MAP4K3: variants seen among roughly 807,000 people sequenced by gnomAD.
The protein encoded by MAP4K3 is mitogen-activated protein kinase kinase kinase kinase 3.
A neutral mutation model predicts 143.5 loss-of-function variants in MAP4K3; 94 were observed. The observed-to-expected ratio is 0.65, with a 90% CI of 0.55 to 0.78. The LOEUF (loss-of-function observed/expected upper bound fraction) is 0.78. Among genes scored for constraint, MAP4K3 ranks in the 30% least tolerant of loss-of-function variants. The probability of loss-of-function intolerance (pLI) is 0.00; values close to 1 mark genes in which losing one functional copy is unlikely to be tolerated. For synonymous variants in MAP4K3, 416 were observed against 347.2 expected (o/e 1.20, Z -2.20); for missense variants, 1,077 against 1,068.1 (o/e 1.01, Z -0.12).
chr2:39,288,260 T>C lies in MAP4K3; in HGVS notation c.1335A>G (p.Pro445=). 1 of 1,613,970 alleles carries C rather than the reference T, an allele frequency of 6.2e-7. No homozygotes were observed. Among genetic ancestry groups the C allele is most frequent in the Non-Finnish European group, 8.5e-7 (1 of 1,179,882 alleles). The change falls in exon 20 of 34, where the codon CCA becomes CCG. Residue 445 remains proline, a synonymous_variant. Transcript: ENST00000263881. ...LPPKPKSIFI[P]QEMHSTEDEN... is the part of the protein sequence containing the mutation. ...CATCCTCAGTAGAATGCATTTCCTGTGGTATGAAGATAGACTTAGGCTGAA... is the reference window on the plus strand; with the variant it reads ...CATCCTCAGTAGAATGCATTTCCTGCGGTATGAAGATAGACTTAGGCTGAA...
At chr2:39,335,032 C>T (rs563362514) in intron 6 of MAP4K3, among the ~76,000 whole-genome samples, 1 of 152,104 alleles carries the variant, frequency 6.6e-6, no homozygotes, top group African/African-American at 2.4e-5. Context: ...ATTTGAAGAC[C>T]TGGGGCTAGA....
intron 3 of MAP4K3, among the ~76,000 whole-genome samples, chr2:39,345,895 C>T (rs971680398): frequency 8.2e-6 from 1 of 121,842 alleles, no homozygotes; most frequent in East Asian, 2.4e-4. Flanking sequence ...GCACTCCAGC[C>T]TGAGTGACAG....
intron 1 of MAP4K3, among the ~76,000 whole-genome samples, chr2:39,391,467 G>A (rs1666658359): frequency 6.6e-6 from 1 of 151,380 alleles, no homozygotes; most frequent in South Asian, 2.1e-4. Context: ...AAAGTTCTGT[G>A]GCAAAGAAAA....
intron 1 of MAP4K3, among the ~76,000 whole-genome samples, chr2:39,415,952 CAAAA>C (rs1192060497): frequency 1.1e-3 from 3 of 2,658 alleles, no homozygotes; most frequent in Admixed American, 0.014. Flanking sequence ...GGCTCTGTCT[CAAAA>C]AAAAAAAAAA....
chr2:39,254,604 G>T, intron 31 of MAP4K3, 84 bp from the exon 32 acceptor site: 1 of 937,124 alleles, frequency 1.1e-6, no homozygotes. Context: ...ATCTCATACA[G>T]CAATATTTCA....
chr2:39,326,312 G>A (rs1683488241), intron 8 of MAP4K3, 35 bp from the exon 9 acceptor site: 3 of 1,607,816 alleles, frequency 1.9e-6, no homozygotes, highest in Non-Finnish European at 1.7e-6. Context: ...AAAAACTTCT[G>A]TTATATGTTT....
chr2:39,417,258 C>T (rs1360900269), intron 1 of MAP4K3, among the ~76,000 whole-genome samples: 3 of 145,068 alleles, frequency 2.1e-5, no homozygotes, highest in East Asian at 2.0e-4. Flanking sequence ...CTTGCCCTGT[C>T]GCCCAGGCTG....
chr2:39,282,874 G>A (rs560426741), intron 21 of MAP4K3, among the ~76,000 whole-genome samples: 301 of 152,300 alleles, frequency 2.0e-3, no homozygotes, highest in African/African-American at 6.9e-3. Flanking sequence ...GTTTGTGTGT[G>A]TGTTAGGAAT....
At chr2:39,338,655 C>A (rs910217864) in intron 4 of MAP4K3, among the ~76,000 whole-genome samples, 1 of 152,218 alleles carries the variant, frequency 6.6e-6, no homozygotes, top group Admixed American at 6.5e-5. Context: ...TATGCATCTG[C>A]TAAGTCCCTC....
Position 39,436,970 on chromosome 2 carries a change from A to T in MAP4K3, c.18T>A (p.Asp6Glu). The T allele has an allele frequency of 6.2e-7, 1 of 1,612,050 alleles. No individual in the cohort carries two copies. The highest frequency in any genetic ancestry group is 1.1e-5 in the South Asian group (1 of 91,020). Residue 6 changes from aspartate to glutamate, a missense_variant, in exon 1 of 34, where the codon GAT becomes GAA. Physicochemically the swap from Asp to Glu is conservative, Grantham distance 45. Coordinates refer to ENST00000263881, the MANE Select transcript of MAP4K3 (RefSeq NM_003618.4). Reference protein sequence around the residue: MNPGFDLSRRNPQEDF... With the variant: MNPGFELSRRNPQEDF... ...CCTCCTGCGGGTTCCGGCGGGACAAATCGAAGCCGGGGTTCATGGCGGGCC... is the reference window on the plus strand; with the variant it reads ...CCTCCTGCGGGTTCCGGCGGGACAATTCGAAGCCGGGGTTCATGGCGGGCC...
At chr2:39,296,524 T>C (rs1406805040) in intron 16 of MAP4K3, among the ~76,000 whole-genome samples, 2 of 152,132 alleles carry the variant, frequency 1.3e-5, no homozygotes, top group Admixed American at 1.3e-4. Context: ...GACGAAAAGG[T>C]TAAAAATGAA....
chr2:39,259,571 G>GA (rs1680482819), intron 29 of MAP4K3, among the ~76,000 whole-genome samples: 1 of 152,132 alleles, frequency 6.6e-6, no homozygotes, highest in Non-Finnish European at 1.5e-5. Context: ...TGAGAGTTAT[G>GA]AAAATGTTAA....
At chr2:39,328,069 G>A (rs1006135665) in intron 8 of MAP4K3, among the ~76,000 whole-genome samples, 12 of 152,200 alleles carry the variant, frequency 7.9e-5, no homozygotes, top group Admixed American at 5.9e-4. Flanking sequence ...AGTGGCTCAC[G>A]CCTGTAATCC....
intron 11 of MAP4K3, 47 bp downstream of exon 11, chr2:39,325,683 T>G: frequency 6.4e-7 from 1 of 1,557,170 alleles, no homozygotes; most frequent in Non-Finnish European, 8.8e-7. Context: ...TTGAATAACA[T>G]TTTATCTTTT....
At chr2:39,368,776 G>A (rs1005021456) in intron 2 of MAP4K3, among the ~76,000 whole-genome samples, 4 of 152,138 alleles carry the variant, frequency 2.6e-5, no homozygotes, top group African/African-American at 9.7e-5. Flanking sequence ...CACCAGATCT[G>A]ATTTAAAGAT....
chr2:39,290,360 G>C (rs367630023), intron 18 of MAP4K3, 26 bp from the exon 19 acceptor site: 1 of 1,523,648 alleles, frequency 6.6e-7, no homozygotes, highest in African/African-American at 1.4e-5. Flanking sequence ...TTTAGAATCA[G>C]AACTATTCAT....
intron 2 of MAP4K3, among the ~76,000 whole-genome samples, chr2:39,371,459 T>A (rs1666079469): frequency 6.6e-6 from 1 of 152,172 alleles, no homozygotes; most frequent in African/African-American, 2.4e-5. Context: ...AAGAGTGGAA[T>A]GTTTAACTCT....
intron 2 of MAP4K3, among the ~76,000 whole-genome samples, chr2:39,369,839 G>A (rs1445187197): frequency 1.3e-5 from 2 of 152,256 alleles, no homozygotes; most frequent in Admixed American, 1.3e-4. Flanking sequence ...AGTCAAAGGC[G>A]GATCTTCAGT....
intron 1 of MAP4K3, among the ~76,000 whole-genome samples, chr2:39,378,548 CCA>C (rs1183557895): frequency 3.9e-5 from 6 of 152,074 alleles, no homozygotes; most frequent in Non-Finnish European, 7.4e-5. Flanking sequence ...CAGTCTAACT[CCA>C]CAGTCTGAGC....
Sources: gnomAD v4.1 joint callset for allele counts (sites outside exome capture counted in the v4.1 genomes callset) on GRCh38, gnomAD v4.1.1 for gene constraint, MANE v1.5 for transcripts, NCBI Gene and HGNC (gene_info 2026-07-23, HGNC 2026-07-21) for gene names.